NOTCH3: variants seen among roughly 807,000 people sequenced by gnomAD.
The protein encoded by NOTCH3 is notch receptor 3.
A neutral mutation model predicts 213.3 loss-of-function variants in NOTCH3; 86 were observed. The observed-to-expected ratio is 0.40, with a 90% CI of 0.34 to 0.48. The LOEUF is 0.48. NOTCH3 is among the 20% of genes least tolerant of loss of function. The pLI is 0.57. For missense variants in NOTCH3, 2,783 were observed against 3,272.6 expected, an observed-to-expected ratio of 0.85 and a Z score of 3.65; for synonymous variants, 1,354 against 1,355.9, an observed-to-expected ratio of 1.00 and a Z score of 0.03.
intron 28 of NOTCH3, among the ~76,000 whole-genome samples, chr19:15,168,925 T>G (rs966575281): frequency 6.6e-6 from 1 of 152,058 alleles, no homozygotes; most frequent in Non-Finnish European, 1.5e-5. Context: ...AGATAGGACT[T>G]TATTTTTAGA....
At chr19:15,181,918 G>T in intron 16 of NOTCH3, 117 bp from the exon 17 acceptor site, 2 of 842,786 alleles carry the variant, frequency 2.4e-6, no homozygotes, top group Non-Finnish European at 3.7e-6. Flanking sequence ...ACTGGGATGG[G>T]GTGCATTTGG....
In NOTCH3 at chr19:15,188,353, G is replaced by A. The variant is rs764288667; in HGVS notation, c.1379-5C>T. 2.0e-5 allele frequency: 32 copies of A among 1,585,694 alleles called. No individual in the cohort carries two copies. The South Asian group carries it at 2.4e-4, about 12-fold the overall frequency. On this transcript the variant is annotated splice_region_variant and splice_polypyrimidine_tract_variant and intron_variant, in intron 8 of 32. Transcript: ENST00000263388. ...CGCAATAGGTTCCTGTGAAGCCTGG[G>A]GCAGGGAATAGGGCTTAGGAAAGCG... is the stretch of plus-strand genomic sequence containing the variant.
At chr19:15,175,804 G>C (rs540733075) in intron 24 of NOTCH3, among the ~76,000 whole-genome samples, 2 of 151,624 alleles carry the variant, frequency 1.3e-5, no homozygotes, top group South Asian at 2.1e-4. Flanking sequence ...TTGTGCAAAG[G>C]CCCTGATATG....
intron 6 of NOTCH3, 45 bp downstream of exon 6, chr19:15,191,379 A>G: frequency 6.5e-7 from 1 of 1,527,084 alleles, no homozygotes; most frequent in East Asian, 2.3e-5. Context: ...ATTTGCCCTC[A>G]CTAAAAACCA....
chr19:15,166,317 A>G (rs1278849960), intron 29 of NOTCH3, among the ~76,000 whole-genome samples: 1 of 152,154 alleles, frequency 6.6e-6, no homozygotes, highest in Non-Finnish European at 1.5e-5. Flanking sequence ...TCTGGGAGTC[A>G]AGCAAGTGTG....
chr19:15,169,922 C>T (rs1034581119), intron 28 of NOTCH3, among the ~76,000 whole-genome samples, 164 bp downstream of exon 28: 2 of 152,198 alleles, frequency 1.3e-5, no homozygotes, highest in Admixed American at 1.3e-4. Flanking sequence ...CACAGAACCA[C>T]ACTGAGAAGA....
Position 15,165,110 on chromosome 19 carries a change from G to A in NOTCH3, c.5815+258C>T, listed in dbSNP as rs1369503089. Among the ~76,000 whole-genome samples, 1 of 152,146 alleles carries A rather than the reference G, an allele frequency of 6.6e-6. No individual in the cohort carries two copies. The highest frequency in any genetic ancestry group is 1.5e-5 in the Non-Finnish European group (1 of 68,026). The stretch of plus-strand genomic sequence containing the variant: ...ACGTTTATTATAATAACTTCCAGCA[G>A]GTGGAAGTACAGTGTGTCCGTCTAA... On this transcript the variant is annotated intron_variant, in intron 31 of 32. Transcript: ENST00000263388. The surrounding 1 kb of genome is among the most constrained non-coding windows in gnomAD (Gnocchi z 4.7).
chr19:15,178,544 C>G (rs1343503200), intron 23 of NOTCH3: 1 of 502,066 alleles, frequency 2.0e-6, no homozygotes, highest in Non-Finnish European at 3.6e-6. Context: ...GCCACTACGC[C>G]CGGCTAATTT....
intron 16 of NOTCH3, among the ~76,000 whole-genome samples, chr19:15,182,993 A>T (rs1020397247): frequency 3.3e-5 from 5 of 152,194 alleles, no homozygotes; most frequent in African/African-American, 1.2e-4. Context: ...TTGGTCAGGC[A>T]CAGTGGCAGC....
At chr19:15,189,558 G>A (rs1349868226) in intron 6 of NOTCH3, 130 bp from the exon 7 acceptor site, 1 of 1,136,486 alleles carries the variant, frequency 8.8e-7, no homozygotes, top group African/African-American at 1.5e-5. Flanking sequence ...CGCTCTTGTT[G>A]CCCAAGCTGG....
At position 15,193,105 on chromosome 19, in the gene NOTCH3, C is replaced by A. The variant is rs575264902; in HGVS notation, c.198-586G>T. ...AACAAATTAATATACAACATGCTGG[C>A]AGGGGGCGGTGAAAGCCATCAGAAC... On this transcript the variant is annotated intron_variant, in intron 2 of 32. Coordinates refer to ENST00000263388, the MANE Select transcript of NOTCH3 (RefSeq NM_000435.3). Among the ~76,000 whole-genome samples, 75 of 152,200 alleles carry A rather than the reference C, an allele frequency of 4.9e-4. 1 individual carries two copies. The highest frequency in any genetic ancestry group is 4.4e-5 in the Non-Finnish European group (3 of 68,004).
rs71168596 is a variant in NOTCH3, at chr19:15,183,384, T to TTTTGTTTGTTTGTTTGTTTG, written c.2566+891_2566+910dup. On this transcript the variant is annotated intron_variant, in intron 16 of 32. Coordinates refer to ENST00000263388, the MANE Select transcript of NOTCH3 (RefSeq NM_000435.3). ...TATTTATCTGTTTGGCAGCACCCCTTTTTGTTTGTTTGTTTGTTTGTTTGT... is the reference window on the plus strand; with the variant it reads ...TATTTATCTGTTTGGCAGCACCCCTTTTTGTTTGTTTGTTTGTTTGTTTGTTTGTTTGTTTGTTTGTTTGT... Among the ~76,000 whole-genome samples, 272 of 150,288 alleles carry TTTTGTTTGTTTGTTTGTTTG rather than the reference T, an allele frequency of 1.8e-3. 1 individual carries two copies. The highest frequency in any genetic ancestry group is 0.01 in the Middle Eastern group (3 of 294).
At position 15,161,219 on chromosome 19, in the gene NOTCH3, G is replaced by C. The variant is rs2046639059; in HGVS notation, c.6409C>G (p.Leu2137Val). Residue 2137 changes from leucine (L) to valine (V), a missense_variant, in exon 33 of 33, where the codon CTG becomes GTG. Leu to Val is a conservative substitution (Grantham distance 32, BLOSUM62 1). Around this residue, in one of 6 missense-constraint regions of NOTCH3, gnomAD observed 441 missense variants for 432.1 expected, o/e 1.02. Transcript: ENST00000263388. Reference protein sequence around the residue: ...YAAATATAVSLAQLGGPGRAG... With the variant: ...YAAATATAVSVAQLGGPGRAG... ...CGGCCTGGGCCACCAAGCTGTGCCA[G>C]AGACACTGCAGTGGCAGTGGCAGCT... The C allele has an allele frequency of 1.0e-5, 16 of 1,546,838 alleles. No individual in the cohort carries two copies. The highest frequency in any genetic ancestry group is 1.3e-5 in the Non-Finnish European group (15 of 1,151,656).
chr19:15,184,330 G>A lies in NOTCH3; in HGVS notation c.2531C>T (p.Pro844Leu), dbSNP rs778639598. ...SCTCHGGYTG[P>L]SCDQDINDCD... Reference sequence around the variant, plus strand: ...GTCATTGATGTCCTGATCGCAGGAAGGGCCAGTGTACCCTCCATGGCAGGT... The same window carrying A: ...GTCATTGATGTCCTGATCGCAGGAAAGGCCAGTGTACCCTCCATGGCAGGT... Residue 844 changes from proline to leucine, a missense_variant, in exon 16 of 33, where the codon CCT (proline) becomes CTT (leucine). Around this residue, in one of 6 missense-constraint regions of NOTCH3, gnomAD observed 861 missense variants for 909.1 expected, o/e 0.95. Coordinates refer to ENST00000263388, the MANE Select transcript of NOTCH3 (RefSeq NM_000435.3). 7.4e-6 allele frequency: 12 copies of A among 1,613,992 alleles called. No homozygotes were observed. The South Asian group carries it at 1.2e-4, about 16-fold the overall frequency.
chr19:15,170,876 C>T (rs1445441843), intron 25 of NOTCH3, 51 bp from the exon 26 acceptor site: 1 of 1,591,166 alleles, frequency 6.3e-7, no homozygotes, highest in South Asian at 1.1e-5. Flanking sequence ...GCCCGATGCA[C>T]CCCCTGGTAC....
chr19:15,180,285 G>C (rs137943075), intron 19 of NOTCH3, 29 bp from the exon 20 acceptor site: 2 of 1,611,566 alleles, frequency 1.2e-6, no homozygotes, highest in Non-Finnish European at 1.7e-6. Context: ...CACAGGAACA[G>C]AGGTAACCCC....
At chr19:15,184,183 GA>G in intron 16 of NOTCH3, 111 bp downstream of exon 16, 1 of 1,148,772 alleles carries the variant, frequency 8.7e-7, no homozygotes, top group Non-Finnish European at 1.3e-6. Context: ...AATAAAACGG[GA>G]AAAGTAAGAT....
At chr19:15,175,867 C>G (rs902195567) in intron 24 of NOTCH3, among the ~76,000 whole-genome samples, 1 of 151,246 alleles carries the variant, frequency 6.6e-6, no homozygotes, top group African/African-American at 2.4e-5. Flanking sequence ...GTGGCTGGAA[C>G]AGAGTGAGTG....
intron 24 of NOTCH3, 100 bp downstream of exon 24, chr19:15,177,425 G>A: frequency 1.8e-6 from 2 of 1,085,280 alleles, no homozygotes; most frequent in South Asian, 2.7e-5. Flanking sequence ...GAAACAGACG[G>A]GGCAAGTGGA....
Sources: gnomAD v4.1 joint callset for allele counts (sites outside exome capture counted in the v4.1 genomes callset) on GRCh38, gnomAD v4.1.1 for gene constraint, gnomAD v4.1.1 regional missense constraint, Gnocchi (gnomAD v3.1) non-coding constraint, MANE v1.5 for transcripts, NCBI Gene and HGNC (gene_info 2026-07-23, HGNC 2026-07-21) for gene names.